Variants in ZNF90 observed in about 807,000 individuals in gnomAD.
The protein encoded by ZNF90 is zinc finger protein HTF9.
In ZNF90, 11 loss-of-function variants were observed where a neutral mutation model predicts 12.0. The observed-to-expected ratio is 0.92, with a 90% CI of 0.58 to 1.52. The LOEUF (loss-of-function observed/expected upper bound fraction) is 1.52, where lower values mean the gene tolerates loss of function less well. Among genes scored for constraint, ZNF90 ranks in the 40% most tolerant of loss-of-function variants. The probability of loss-of-function intolerance (pLI) is 0.00; values close to 1 mark genes in which losing one functional copy is unlikely to be tolerated. For missense variants in ZNF90, 765 were observed against 711.5 expected, an observed-to-expected ratio of 1.08 and a Z score of -0.86; for synonymous variants, 232 against 240.1, an observed-to-expected ratio of 0.97 and a Z score of 0.31.
At chr19:20,091,217 G>T (rs547343296) in intron 1 of ZNF90, among the ~76,000 whole-genome samples, 2 of 152,230 alleles carry the variant, frequency 1.3e-5, no homozygotes, top group East Asian at 3.9e-4. Flanking sequence ...CTGGGCAGGG[G>T]CAAATCCCCG....
intron 1 of ZNF90, among the ~76,000 whole-genome samples, chr19:20,103,143 C>A (rs1332097569): frequency 6.6e-6 from 1 of 152,118 alleles, no homozygotes; most frequent in Non-Finnish European, 1.5e-5. Context: ...ATCCTCGAGG[C>A]TGTGAAGGCC....
intron 1 of ZNF90, among the ~76,000 whole-genome samples, chr19:20,078,780 G>C (rs1443713378): frequency 6.6e-6 from 1 of 152,030 alleles, no homozygotes; most frequent in Non-Finnish European, 1.5e-5. Flanking sequence ...TGTGCGGTCT[G>C]ACCCCAGCCA....
chr19:20,114,116 C>T (rs1307193412), intron 3 of ZNF90, among the ~76,000 whole-genome samples: 1 of 152,078 alleles, frequency 6.6e-6, no homozygotes, highest in Non-Finnish European at 1.5e-5. Context: ...CATGGGGAAA[C>T]ATGGTCTCTA....
chr19:20,105,680 A>G (rs553734115), intron 3 of ZNF90, among the ~76,000 whole-genome samples: 82 of 152,274 alleles, frequency 5.4e-4, no homozygotes, highest in African/African-American at 1.9e-3. Flanking sequence ...GTCTTTTTGC[A>G]TCAGGCCTGA....
intron 1 of ZNF90, among the ~76,000 whole-genome samples, chr19:20,102,885 C>T (rs144587297): frequency 3.1e-4 from 47 of 152,134 alleles, no homozygotes; most frequent in African/African-American, 8.9e-4. Flanking sequence ...TGCTAAATGA[C>T]GCCTACTTAA....
chr19:20,106,817 G>T (rs2089043420), intron 3 of ZNF90: 3 of 445,196 alleles, frequency 6.7e-6, no homozygotes, highest in Non-Finnish European at 1.3e-5. Flanking sequence ...GTGATGAGAT[G>T]CCCTCTGAAT....
chr19:20,082,740 C>T (rs2088829594), intron 1 of ZNF90, among the ~76,000 whole-genome samples: 1 of 152,110 alleles, frequency 6.6e-6, no homozygotes, highest in South Asian at 2.1e-4. Flanking sequence ...CCTGACCATC[C>T]CCCAGCCCGA....
At chr19:20,099,399 T>C (rs546529594) in intron 1 of ZNF90, among the ~76,000 whole-genome samples, 41 of 152,322 alleles carry the variant, frequency 2.7e-4, no homozygotes, top group African/African-American at 8.4e-4. Flanking sequence ...TCCCTATCAA[T>C]TACTGAATAC....
Position 20,079,890 on chromosome 19 carries a change from G to A in ZNF90, c.3+1755G>A, listed in dbSNP as rs952125765. The A allele has an allele frequency of 5.0e-6, 2 of 399,446 alleles. 1 individual carries two copies. The highest frequency in any genetic ancestry group is 1.7e-4 in the East Asian group (2 of 11,984). 24.7% of individuals were successfully genotyped at this position (399,446 alleles called of 1,614,324 possible). On this transcript the variant is annotated intron_variant, in intron 1 of 3. Transcript: ENST00000418063. Reference sequence around the variant, plus strand: ...GCTGCCCTGCTGGAACTGCTCCTTCGGGAGACTGCTGATTTTGGCATTCTT... The same window carrying A: ...GCTGCCCTGCTGGAACTGCTCCTTCAGGAGACTGCTGATTTTGGCATTCTT...
Position 20,089,283 on chromosome 19 carries a change from G to A in ZNF90, c.3+11148G>A, listed in dbSNP as rs1227159402. On this transcript the variant is annotated intron_variant, in intron 1 of 3. Transcript: ENST00000418063. ...TTTTCGGGGCTGGGTATAAGTAAACGAGAAGAGGGCCTGGGAGGAGAGTCT... is the reference window on the plus strand; with the variant it reads ...TTTTCGGGGCTGGGTATAAGTAAACAAGAAGAGGGCCTGGGAGGAGAGTCT... 7.9e-5 allele frequency among the ~76,000 whole-genome samples: 12 copies of A among 152,262 alleles called. No individual in the cohort carries two copies. The South Asian group carries it at 1.9e-3, about 24-fold the overall frequency.
In ZNF90 at chr19:20,087,774, C is replaced by G. The variant is rs111893402; in HGVS notation, c.3+9639C>G. Among the ~76,000 whole-genome samples, 636 of 152,094 alleles carry G rather than the reference C, an allele frequency of 4.2e-3. 6 individuals carry two copies. Among genetic ancestry groups the G allele is most frequent in the African/African-American group, 0.015 (608 of 41,466 alleles). On this transcript the variant is annotated intron_variant, in intron 1 of 3. Transcript: ENST00000418063. Reference sequence around the variant, plus strand: ...CACCTGGGTGCAGTTGGGCTGAGTCCGAAAAGAGAGTCAGCAAAGGGAGAT... The same window carrying G: ...CACCTGGGTGCAGTTGGGCTGAGTCGGAAAAGAGAGTCAGCAAAGGGAGAT...
chr19:20,116,363 T>C (rs1252651289), intron 3 of ZNF90, among the ~76,000 whole-genome samples: 1 of 152,134 alleles, frequency 6.6e-6, no homozygotes, highest in African/African-American at 2.4e-5. Context: ...AGATACAGGG[T>C]TTCACCATGT....
intron 3 of ZNF90, among the ~76,000 whole-genome samples, chr19:20,111,679 A>G (rs2089089983): frequency 6.6e-6 from 1 of 152,024 alleles, no homozygotes; most frequent in African/African-American, 2.4e-5. Flanking sequence ...GCTTTTGTAT[A>G]CTTTCTATAA....
chr19:20,086,281 C>T (rs2088859242), intron 1 of ZNF90, among the ~76,000 whole-genome samples: 1 of 132,458 alleles, frequency 7.5e-6, no homozygotes, highest in Non-Finnish European at 1.5e-5. Context: ...CTTGCCCAGG[C>T]TGGAGTTCAG....
chr19:20,115,051 A>C (rs1435384949), intron 3 of ZNF90, among the ~76,000 whole-genome samples: 4 of 152,148 alleles, frequency 2.6e-5, no homozygotes, highest in African/African-American at 4.8e-5. Flanking sequence ...ATCTTTTTGA[A>C]GTTTTGACTT....
At chr19:20,083,802 C>T (rs1372550631) in intron 1 of ZNF90, among the ~76,000 whole-genome samples, 1 of 152,156 alleles carries the variant, frequency 6.6e-6, no homozygotes, top group Non-Finnish European at 1.5e-5. Context: ...GGCTAGAGTG[C>T]TGTGGCATGA....
At chr19:20,096,665 G>A (rs1459564336) in intron 1 of ZNF90, among the ~76,000 whole-genome samples, 2 of 152,166 alleles carry the variant, frequency 1.3e-5, no homozygotes, top group Non-Finnish European at 2.9e-5. Flanking sequence ...CATCAGTTAA[G>A]GTGGGGCAGG....
intron 3 of ZNF90, among the ~76,000 whole-genome samples, chr19:20,110,309 T>A (rs781812646): frequency 3.3e-5 from 5 of 152,106 alleles, no homozygotes; most frequent in Admixed American, 6.6e-5. Flanking sequence ...GATGGAGTCT[T>A]GCTCTGTTGC....
chr19:20,099,329 G>A (rs1329136314), intron 1 of ZNF90, among the ~76,000 whole-genome samples: 2 of 152,060 alleles, frequency 1.3e-5, no homozygotes, highest in East Asian at 3.9e-4. Context: ...GCCTGCCACT[G>A]CACACGTTTG....
Sources: allele counts gnomAD v4.1 joint callset (sites outside exome capture counted in the v4.1 genomes callset), GRCh38; gene constraint gnomAD v4.1.1; transcripts MANE v1.5; gene names NCBI Gene and HGNC (gene_info 2026-07-23, HGNC 2026-07-21).